The following RGS6 variants were observed in gnomAD, a reference collection of about 807,000 sequenced individuals.
RGS6 encodes regulator of G protein signaling 6, also known as regulator of G-protein signaling 6.
In RGS6, 30 loss-of-function variants were observed where a neutral mutation model predicts 78.5. The observed-to-expected ratio is 0.38, with a 90% CI of 0.29 to 0.52. The LOEUF (loss-of-function observed/expected upper bound fraction) is 0.52, where lower values mean the gene tolerates loss of function less well. Ranked by LOEUF, RGS6 falls within the 20% of genes least tolerant of loss-of-function variation. The pLI, the probability that RGS6 is intolerant of heterozygous loss-of-function variation, is 0.85. For synonymous variants in RGS6, 206 were observed against 206.0 expected, an observed-to-expected ratio of 1.00 and a Z score of 0.00; for missense variants, 495 against 609.7, an observed-to-expected ratio of 0.81 and a Z score of 1.98.
intron 2 of RGS6, among the ~76,000 whole-genome samples, chr14:72,003,728 G>GGGGA (rs2083950827): frequency 6.6e-6 from 1 of 152,110 alleles, no homozygotes; most frequent in African/African-American, 2.4e-5. Flanking sequence ...GGAAGGGATG[G>GGGGA]AGGGAGGACT....
Position 72,196,932 on chromosome 14 carries a change from T to A in RGS6, c.85-155163T>A, listed in dbSNP as rs1329248159. ...TGAGATCTGTAAATTCCCCAGAGAC[T>A]TAAATTGCTTGAATTATTGAGGGAC... On this transcript the variant is annotated intron_variant, in intron 2 of 17. Coordinates refer to ENST00000553525, the MANE Select transcript of RGS6 (RefSeq NM_001204424.2). Among the ~76,000 whole-genome samples, 5 of 152,248 alleles carry A rather than the reference T, an allele frequency of 3.3e-5. No homozygotes were observed. In the East Asian group the frequency reaches 9.6e-4, roughly 29 times the overall value.
intron 2 of RGS6, among the ~76,000 whole-genome samples, chr14:72,129,667 G>A (rs1567268132): frequency 6.6e-6 from 1 of 152,190 alleles, no homozygotes; most frequent in Non-Finnish European, 1.5e-5. Context: ...TCTGCTCTTT[G>A]TGTGGCTTTT....
At chr14:71,954,392 G>T (rs892140981) in intron 1 of RGS6, among the ~76,000 whole-genome samples, 1 of 151,084 alleles carries the variant, frequency 6.6e-6, no homozygotes, top group Non-Finnish European at 1.5e-5. Flanking sequence ...TTTTAGTTTG[G>T]AAATTCATGA....
At chr14:72,478,406 A>G in intron 12 of RGS6, 77 bp downstream of exon 12, 1 of 1,013,592 alleles carries the variant, frequency 9.9e-7, no homozygotes, top group Non-Finnish European at 1.5e-6. Context: ...ATGGTTAACG[A>G]ATGTGTTCAA....
chr14:71,956,838 T>G (rs555830934), intron 1 of RGS6, among the ~76,000 whole-genome samples: 1 of 151,780 alleles, frequency 6.6e-6, no homozygotes, highest in South Asian at 2.1e-4. Flanking sequence ...TGCAAGGGAG[T>G]GATTATGAGT....
intron 2 of RGS6, among the ~76,000 whole-genome samples, chr14:72,185,012 A>G (rs1267772035): frequency 9.2e-5 from 14 of 152,184 alleles, no homozygotes; most frequent in Admixed American, 9.2e-4. Flanking sequence ...AGGGAAGCCA[A>G]CAGTGTGCCC....
chr14:72,312,602 C>T (rs911284329), intron 2 of RGS6, among the ~76,000 whole-genome samples: 1 of 152,152 alleles, frequency 6.6e-6, no homozygotes, highest in Non-Finnish European at 1.5e-5. Context: ...CCCTGGCCAA[C>T]CTGTAACATA....
chr14:72,283,638 A>T (rs761681141), intron 2 of RGS6, among the ~76,000 whole-genome samples: 13 of 152,222 alleles, frequency 8.5e-5, no homozygotes, highest in Non-Finnish European at 1.8e-4. Flanking sequence ...CTGTGTGTCC[A>T]TTAAACTTCT....
intron 2 of RGS6, among the ~76,000 whole-genome samples, chr14:72,052,923 A>ATT (rs1555454686): frequency 1.5e-5 from 2 of 136,052 alleles, no homozygotes; most frequent in Admixed American, 7.2e-5. Context: ...GTTTCATTGT[A>ATT]TTTTTCTTTC....
the RGS6 span, among the ~76,000 whole-genome samples, chr14:72,608,951 A>G: frequency 6.6e-6 from 1 of 152,128 alleles, no homozygotes; most frequent in African/African-American, 2.4e-5. Context: ...GCACACCCCA[A>G]CATGAAAGGG....
chr14:72,465,599 TG>T (rs1566914077), intron 6 of RGS6, among the ~76,000 whole-genome samples, 158 bp from the exon 7 acceptor site: 31 of 144,362 alleles, frequency 2.1e-4, no homozygotes, highest in African/African-American at 8.1e-4. Flanking sequence ...GATGGATGGA[TG>T]GTTGGGTGGA....
intron 2 of RGS6, among the ~76,000 whole-genome samples, chr14:72,260,211 G>A (rs1414606809): frequency 6.6e-6 from 1 of 152,136 alleles, no homozygotes; most frequent in Non-Finnish European, 1.5e-5. Flanking sequence ...GTGAATCCTT[G>A]TAAAGTTGTT....
At chr14:72,320,394 T>C (rs200479015) in intron 2 of RGS6, among the ~76,000 whole-genome samples, 2 of 151,554 alleles carry the variant, frequency 1.3e-5, no homozygotes, top group Admixed American at 6.6e-5. Flanking sequence ...CTGGCTAACA[T>C]GGTGAAACCA....
At chr14:72,615,727 C>T in the RGS6 span, among the ~76,000 whole-genome samples, 94 of 152,256 alleles carry the variant, frequency 6.2e-4, 1 homozygote, top group Admixed American at 6.2e-3. Flanking sequence ...GACCTGCTGG[C>T]TCCTGCTTCA....
At chr14:72,460,756 CAAG>C (rs1323311189) in intron 6 of RGS6, among the ~76,000 whole-genome samples, 1 of 152,056 alleles carries the variant, frequency 6.6e-6, no homozygotes, top group Non-Finnish European at 1.5e-5. Context: ...TTGTTTAAGA[CAAG>C]AAGGCAGATG....
chr14:72,555,095 G>T (rs1232390799), intron 17 of RGS6, among the ~76,000 whole-genome samples: 1 of 152,206 alleles, frequency 6.6e-6, no homozygotes, highest in East Asian at 1.9e-4. Flanking sequence ...TTAGGCACTT[G>T]GCCTAGAATG....
chr14:72,336,392 A>T (rs78561301), intron 2 of RGS6, among the ~76,000 whole-genome samples: 3,502 of 152,226 alleles, frequency 0.023, 136 homozygotes, highest in African/African-American at 0.081. Flanking sequence ...CAGAAAGCTA[A>T]GCTTTGAAGT....
chr14:72,084,276 C>A (rs952183272), intron 2 of RGS6, among the ~76,000 whole-genome samples: 4 of 152,146 alleles, frequency 2.6e-5, no homozygotes, highest in Admixed American at 6.5e-5. Context: ...GAATCCAATG[C>A]CCCCACTGAT....
At chr14:72,441,177 G>A (rs2095183615) in intron 3 of RGS6, among the ~76,000 whole-genome samples, 1 of 152,178 alleles carries the variant, frequency 6.6e-6, no homozygotes, top group Non-Finnish European at 1.5e-5. Flanking sequence ...TATTTGGGAG[G>A]TGAAGGAGGG....
Sources: gnomAD v4.1 joint callset for allele counts (sites outside exome capture counted in the v4.1 genomes callset) on GRCh38, gnomAD v4.1.1 for gene constraint, MANE v1.5 for transcripts, NCBI Gene and HGNC (gene_info 2026-07-23, HGNC 2026-07-21) for gene names.